ATP13A4: variants seen among roughly 807,000 people sequenced by gnomAD.
ATP13A4 encodes the protein ATPase 13A4, also known as probable cation-transporting ATPase 13A4.
In ATP13A4, 114 loss-of-function variants were observed where a neutral mutation model predicts 142.5. That is an observed-to-expected ratio of 0.80 (90% CI 0.69 to 0.93). The LOEUF (loss-of-function observed/expected upper bound fraction) is 0.93, where lower values mean the gene tolerates loss of function less well. Ranked by LOEUF, ATP13A4 falls within the 40% of genes least tolerant of loss-of-function variation. The pLI is 0.00. For missense variants in ATP13A4, 1,392 were observed against 1,454.0 expected, an observed-to-expected ratio of 0.96 and a Z score of 0.69; for synonymous variants, 488 against 514.8, an observed-to-expected ratio of 0.95 and a Z score of 0.70.
chr3:193,428,905 C>T (rs752757680), intron 25 of ATP13A4, among the ~76,000 whole-genome samples: 3 of 151,772 alleles, frequency 2.0e-5, no homozygotes, highest in Admixed American at 6.6e-5. Flanking sequence ...CAAACCTTCA[C>T]GTTGTGCACA....
rs575157726 is a variant in ATP13A4 at position 193,502,710 on chromosome 3, C to T, written c.235-71G>A. 102 of 1,438,874 alleles carry T rather than the reference C, an allele frequency of 7.1e-5. 2 individuals carry two copies. The highest frequency in any genetic ancestry group is 7.0e-4 in the South Asian group (61 of 87,240). The allele number at this position is 1,438,874 out of a possible 1,614,324, so 89.1% of individuals were successfully genotyped here. ...GCAGGCTACAATTCAACCTGAGAAA[C>T]ATCATTTTAATATAATTCTGTAAGT... On this transcript the variant is annotated intron_variant, in intron 2 of 29. Coordinates refer to ENST00000342695, the MANE Select transcript of ATP13A4 (RefSeq NM_032279.4).
intron 1 of ATP13A4, among the ~76,000 whole-genome samples, chr3:193,588,620 T>C (rs1724708515): frequency 6.6e-6 from 1 of 152,164 alleles, no homozygotes; most frequent in East Asian, 1.9e-4. Flanking sequence ...TGACCCTCAG[T>C]TTCCCTCTTT....
At chr3:193,527,628 G>A (rs924250597) in intron 1 of ATP13A4, among the ~76,000 whole-genome samples, 1 of 150,946 alleles carries the variant, frequency 6.6e-6, no homozygotes, top group Admixed American at 6.6e-5. Context: ...AAAAAAAAAG[G>A]GCAGCACTTC....
chr3:193,471,418 A>G (rs1193840748), intron 8 of ATP13A4, among the ~76,000 whole-genome samples: 2 of 152,024 alleles, frequency 1.3e-5, no homozygotes, highest in African/African-American at 2.4e-5. Flanking sequence ...AAAATAAAAA[A>G]TAAAAAAATT....
At chr3:193,450,761 A>T (rs1717229701) in intron 17 of ATP13A4, among the ~76,000 whole-genome samples, 1 of 152,100 alleles carries the variant, frequency 6.6e-6, no homozygotes, top group Non-Finnish European at 1.5e-5. Context: ...CAACCCGGAG[A>T]TCTGTTCCTT....
At chr3:193,507,714 A>G (rs1305464954) in intron 2 of ATP13A4, among the ~76,000 whole-genome samples, 1 of 152,200 alleles carries the variant, frequency 6.6e-6, no homozygotes, top group East Asian at 1.9e-4. Flanking sequence ...TTAGCGGGTC[A>G]TCGTCTGAAA....
At chr3:193,581,184 A>G (rs1724536679) in intron 2 of ATP13A4, among the ~76,000 whole-genome samples, 1 of 152,256 alleles carries the variant, frequency 6.6e-6, no homozygotes. Context: ...AGACTTCTTT[A>G]CTGAATTAGA....
intron 1 of ATP13A4, among the ~76,000 whole-genome samples, chr3:193,585,544 A>G (rs895733844): frequency 1.3e-5 from 2 of 152,124 alleles, no homozygotes; most frequent in African/African-American, 4.8e-5. Context: ...GTGTGGCCCA[A>G]GACAATTCTT....
At chr3:193,492,819 C>A in intron 5 of ATP13A4, 98 bp downstream of exon 5, 2 of 885,114 alleles carry the variant, frequency 2.3e-6, no homozygotes, top group Non-Finnish European at 3.7e-6. Flanking sequence ...ATAATATTTT[C>A]TGATATTAAT....
Position 193,545,131 on chromosome 3 carries a change from T to C in ATP13A4, c.60+9609A>G, listed in dbSNP as rs114847222. Among the ~76,000 whole-genome samples, 594 of 152,338 alleles carry C rather than the reference T, an allele frequency of 3.9e-3. 7 individuals carry two copies. Among genetic ancestry groups the C allele is most frequent in the African/African-American group, 0.014 (582 of 41,568 alleles). ...GATCTCTCCATCTACCCAAACTTAA[T>C]TCTTGGATAGTTTTGTTTTAGAACT... On this transcript the variant is annotated intron_variant, in intron 1 of 29. Coordinates refer to ENST00000342695, the MANE Select transcript of ATP13A4 (RefSeq NM_032279.4).
intron 14 of ATP13A4, among the ~76,000 whole-genome samples, chr3:193,458,012 CTCACTGAGTGGCTGACAAG>C (rs1717736667): frequency 1.3e-5 from 2 of 152,226 alleles, no homozygotes; most frequent in African/African-American, 4.8e-5. Flanking sequence ...TTGTAATCAT[CTCACTGAGTGGCTGACAAG>C]GTCCCAGAGA....
At chr3:193,508,427 T>C (rs1720968402) in intron 2 of ATP13A4, among the ~76,000 whole-genome samples, 1 of 152,178 alleles carries the variant, frequency 6.6e-6, no homozygotes, top group Non-Finnish European at 1.5e-5. Flanking sequence ...CAACTCTAGT[T>C]CAACTCTCAT....
Position 193,432,940 on chromosome 3 carries a change from G to C in ATP13A4, c.2842+905C>G, listed in dbSNP as rs118101440. 3.3e-3 allele frequency among the ~76,000 whole-genome samples: 505 copies of C among 152,176 alleles called. 9 individuals are homozygous for C. The highest frequency in any genetic ancestry group is 0.027 in the Admixed American group (410 of 15,256). ...CAAACCCATAAAATGTGCAAGACCA[G>C]GAATGAACTGTAATGTAAACGATGG... On this transcript the variant is annotated intron_variant, in intron 25 of 29. Coordinates refer to ENST00000342695, the MANE Select transcript of ATP13A4 (RefSeq NM_032279.4).
chr3:193,501,171 A>G (rs1316972987), intron 3 of ATP13A4, among the ~76,000 whole-genome samples: 1 of 152,252 alleles, frequency 6.6e-6, no homozygotes, highest in Non-Finnish European at 1.5e-5. Flanking sequence ...GAGCAATAAA[A>G]CTATGAGAAC....
rs139901403 is a variant in ATP13A4 at position 193,489,848 on chromosome 3, T to C, written c.620A>G (p.Tyr207Cys). ...ACAGACACTGAAGAGTTGAAATATA[T>C]AAAATGGATTTAGAACCTGTTGGCA... ...LLIKEVLNPF[Y>C]IFQLFSVCLW... Residue 207 changes from tyrosine (Y) to cysteine (C), a missense_variant, in exon 7 of 30, where the codon TAT becomes TGT. Tyr to Cys is a radical substitution (Grantham distance 194). Coordinates refer to ENST00000342695, the MANE Select transcript of ATP13A4 (RefSeq NM_032279.4). 2 of 1,613,034 alleles carry C rather than the reference T, an allele frequency of 1.2e-6. No homozygotes were observed. Among genetic ancestry groups the C allele is most frequent in the African/African-American group, 2.7e-5 (2 of 74,886 alleles).
Position 193,402,847 on chromosome 3 carries a change from AT to A in ATP13A4, c.3395del (p.Asn1132IlefsTer6). On this transcript the variant is annotated frameshift_variant, in exon 30 of 30. Transcript: ENST00000342695. LOFTEE classifies it high-confidence loss of function. ...TTTTAATCATCATCCACAGGGCTCG[AT>A]TTTCAATAACAGCCTCCTGCAAAAT... ...SLVAEEAVIE[N>X]RALWMMIKRC... The A allele has an allele frequency of 6.2e-7, 1 of 1,614,006 alleles. No individual in the cohort carries two copies. The highest frequency in any genetic ancestry group is 1.1e-5 in the South Asian group (1 of 91,074).
chr3:193,406,314 T>C (rs1054930547), intron 29 of ATP13A4, among the ~76,000 whole-genome samples: 7 of 152,118 alleles, frequency 4.6e-5, no homozygotes, highest in South Asian at 4.1e-4. Flanking sequence ...GGAGAGCTCA[T>C]TGAGGTCCTG....
At position 193,454,216 on chromosome 3, in the gene ATP13A4, T is replaced by C. The variant is rs1039095352; in HGVS notation, c.1916-4A>G. 5 of 1,600,966 alleles carry C rather than the reference T, an allele frequency of 3.1e-6. No homozygotes were observed. On this transcript the variant is annotated splice_region_variant and splice_polypyrimidine_tract_variant and intron_variant, in intron 16 of 29. Transcript: ENST00000342695. ...TCGCTAACAAAACTAGTGGGTACTG[T>C]TTAGAAAGAAACACAGGGTTAGTAC... is the stretch of plus-strand genomic sequence containing the variant.
In ATP13A4 at chr3:193,452,034, C is replaced by T. The variant is rs555447672; in HGVS notation, c.2027+2067G>A. On this transcript the variant is annotated intron_variant, in intron 17 of 29. Coordinates refer to ENST00000342695, the MANE Select transcript of ATP13A4 (RefSeq NM_032279.4). ...TTTAACCAGGACATGTCCTCTCCTGCGCGCCACAGCCCTCACTATTCCCCA... is the reference window on the plus strand; with the variant it reads ...TTTAACCAGGACATGTCCTCTCCTGTGCGCCACAGCCCTCACTATTCCCCA... Among the ~76,000 whole-genome samples, 60 of 152,270 alleles carry T rather than the reference C, an allele frequency of 3.9e-4. 1 individual carries two copies. In the East Asian group the frequency reaches 0.01, roughly 25 times the overall value.
Sources: allele counts gnomAD v4.1 joint callset (sites outside exome capture counted in the v4.1 genomes callset), GRCh38; gene constraint gnomAD v4.1.1; transcripts MANE v1.5; gene names NCBI Gene and HGNC (gene_info 2026-07-23, HGNC 2026-07-21).